The following NLRP11 variants were observed in gnomAD, a reference collection of about 807,000 sequenced individuals.
NLRP11 encodes NACHT, LRR and PYD domains-containing protein 11.
A neutral mutation model predicts 79.3 loss-of-function variants in NLRP11; 53 were observed. The observed-to-expected ratio is 0.67, with a 90% CI of 0.54 to 0.84. The LOEUF (loss-of-function observed/expected upper bound fraction) is 0.84, where lower values mean the gene tolerates loss of function less well. Ranked by LOEUF, NLRP11 falls within the 40% of genes least tolerant of loss-of-function variation. NLRP11 has a pLI of 0.00. For missense variants in NLRP11, 1,264 were observed against 1,255.0 expected (o/e 1.01, Z -0.11); for synonymous variants, 518 against 462.6 (o/e 1.12, Z -1.54).
chr19:55,801,123 G>A (rs979370790), intron 5 of NLRP11: 4 of 152,452 alleles, frequency 2.6e-5, no homozygotes, highest in African/African-American at 9.8e-5. Context: ...AGGTTGCGGT[G>A]AGCTGAGACT....
chr19:55,796,028 T>C (rs1438821374), intron 6 of NLRP11, 52 bp downstream of exon 6: 5 of 1,489,300 alleles, frequency 3.4e-6, no homozygotes, highest in Non-Finnish European at 4.6e-6. Context: ...TGTGCTTAGA[T>C]ATTCAAGTCA....
intron 6 of NLRP11, among the ~76,000 whole-genome samples, chr19:55,794,362 C>G (rs1402457900): frequency 6.6e-6 from 1 of 152,162 alleles, no homozygotes; most frequent in Non-Finnish European, 1.5e-5. Flanking sequence ...AACCAATGGT[C>G]TGTCCCTTTT....
chr19:55,799,435 T>A (rs532955028), intron 5 of NLRP11, among the ~76,000 whole-genome samples: 1 of 152,050 alleles, frequency 6.6e-6, no homozygotes, highest in African/African-American at 2.4e-5. Flanking sequence ...CACTTGGAAA[T>A]ATCCCAAAGA....
chr19:55,788,866 A>T (rs1206036272), exon 9 of NLRP11: 1 of 1,613,720 alleles, frequency 6.2e-7, no homozygotes, highest in East Asian at 2.2e-5. Flanking sequence ...TTGCAACTCC[A>T]TCATTGCCCA....
intron 5 of NLRP11, among the ~76,000 whole-genome samples, 195 bp downstream of exon 5, chr19:55,801,377 A>T (rs1012365653): frequency 6.6e-6 from 1 of 152,174 alleles, no homozygotes; most frequent in Non-Finnish European, 1.5e-5. Flanking sequence ...TGTTATATGA[A>T]ATATCAATGT....
intron 4 of NLRP11, among the ~76,000 whole-genome samples, chr19:55,806,489 T>C (rs1360755992): frequency 6.6e-6 from 1 of 152,152 alleles, no homozygotes; most frequent in Non-Finnish European, 1.5e-5. Context: ...TTTGTCAACA[T>C]ATGCCCCGGA....
intron 1 of NLRP11, among the ~76,000 whole-genome samples, chr19:55,822,281 G>C (rs1376276009): frequency 7.0e-6 from 1 of 142,396 alleles, no homozygotes; most frequent in Admixed American, 6.8e-5. Flanking sequence ...AATAAAAAAA[G>C]ATTGCCTTAG....
At chr19:55,813,875 A>C (rs1313364855) in intron 2 of NLRP11, among the ~76,000 whole-genome samples, 3 of 152,168 alleles carry the variant, frequency 2.0e-5, no homozygotes, top group Non-Finnish European at 4.4e-5. Flanking sequence ...GCCTTCTCTC[A>C]AACTTGGGTT....
At chr19:55,807,477 C>T (rs1980109906) in intron 4 of NLRP11, among the ~76,000 whole-genome samples, 1 of 152,052 alleles carries the variant, frequency 6.6e-6, no homozygotes, top group African/African-American at 2.4e-5. Flanking sequence ...TCCCAGTCCC[C>T]CTTTGTAGTT....
chr19:55,821,205 T>TCA lies in NLRP11; in HGVS notation c.-62-2971_-62-2970dup, dbSNP rs950312294. Among the ~76,000 whole-genome samples the TCA allele has an allele frequency of 7.5e-3, 636 of 85,208 alleles. 2 individuals are homozygous for TCA. The highest frequency in any genetic ancestry group is 0.026 in the Middle Eastern group (4 of 154). The allele number at this position is 85,208 out of a possible 152,430, so 55.9% of individuals were successfully genotyped here. ...ATGTGACCAGCTCTCTCTCTCTCTCTCACACACACACACACACACACACAC... is the reference window on the plus strand; with the variant it reads ...ATGTGACCAGCTCTCTCTCTCTCTCTCACACACACACACACACACACACACAC... On this transcript the variant is annotated intron_variant, in intron 1 of 9. Transcript: ENST00000589093.
chr19:55,824,408 T>C (rs919923147), intron 1 of NLRP11, among the ~76,000 whole-genome samples: 1 of 143,782 alleles, frequency 7.0e-6, no homozygotes, highest in African/African-American at 2.7e-5. Flanking sequence ...AATTCACACA[T>C]AACAATATTA....
At chr19:55,801,323 A>G in intron 5 of NLRP11, 1 of 463,404 alleles carries the variant, frequency 2.2e-6, no homozygotes. Flanking sequence ...TGACCAGAGG[A>G]ATTAGATCAT....
upstream of NLRP11, among the ~76,000 whole-genome samples, chr19:55,832,483 T>G (rs1054200322): frequency 6.6e-6 from 1 of 152,146 alleles, no homozygotes; most frequent in African/African-American, 2.4e-5. Flanking sequence ...ACGTCCTAGA[T>G]CCTCCACCCG....
chr19:55,826,534 G>T (rs1462602791), intron 1 of NLRP11, among the ~76,000 whole-genome samples: 23 of 126,532 alleles, frequency 1.8e-4, no homozygotes, highest in African/African-American at 4.1e-4. Flanking sequence ...CAGCCCAAAA[G>T]CTCCTTAAGC....
intron 4 of NLRP11, among the ~76,000 whole-genome samples, chr19:55,805,500 T>C (rs574002649): frequency 6.6e-6 from 1 of 151,848 alleles, no homozygotes; most frequent in South Asian, 2.1e-4. Context: ...CTCTCCCAAG[T>C]CTTTGCCCCA....
intron 5 of NLRP11, among the ~76,000 whole-genome samples, chr19:55,801,354 G>C (rs952656330): frequency 1.3e-5 from 2 of 152,140 alleles, no homozygotes; most frequent in African/African-American, 4.8e-5. Flanking sequence ...TCAGTCAAGG[G>C]AGGGAGAAGC....
At chr19:55,816,516 T>C (rs573666912) in intron 2 of NLRP11, among the ~76,000 whole-genome samples, 1 of 152,194 alleles carries the variant, frequency 6.6e-6, no homozygotes, top group Non-Finnish European at 1.5e-5. Context: ...TTGGAATACA[T>C]GATTTTATCT....
intron 1 of NLRP11, among the ~76,000 whole-genome samples, chr19:55,821,438 T>C (rs1270194665): frequency 1.3e-5 from 2 of 152,188 alleles, no homozygotes; most frequent in East Asian, 3.9e-4. Context: ...TTTGTAGCCC[T>C]CACTGTAATA....
chr19:55,785,778 C>G (rs1255170651), exon 10 of NLRP11: 2 of 1,614,112 alleles, frequency 1.2e-6, no homozygotes, highest in East Asian at 4.5e-5. Context: ...CCTTTAAAGA[C>G]CAAGTTTCAG....
Sources: allele counts gnomAD v4.1 joint callset (sites outside exome capture counted in the v4.1 genomes callset), GRCh38; gene constraint gnomAD v4.1.1; transcripts MANE v1.5; gene names NCBI Gene and HGNC (gene_info 2026-07-23, HGNC 2026-07-21).